CNTNAP5: variants seen among roughly 807,000 people sequenced by gnomAD.
The protein encoded by CNTNAP5 is contactin associated protein family member 5.
CNTNAP5 carries 72 observed loss-of-function variants against 150.2 expected under a neutral mutation model. The observed-to-expected ratio is 0.48, with a 90% CI of 0.40 to 0.58. The LOEUF (loss-of-function observed/expected upper bound fraction) is 0.58. Ranked by LOEUF, CNTNAP5 falls within the 20% of genes least tolerant of loss-of-function variation. The probability of loss-of-function intolerance (pLI) is 0.00; values close to 1 mark genes in which losing one functional copy is unlikely to be tolerated. For synonymous variants in CNTNAP5, 672 were observed against 619.8 expected, an observed-to-expected ratio of 1.08 and a Z score of -1.25; for missense variants, 1,636 against 1,626.2, an observed-to-expected ratio of 1.01 and a Z score of -0.10.
intron 12 of CNTNAP5, among the ~76,000 whole-genome samples, chr2:124,616,298 A>C (rs913893805): frequency 6.6e-6 from 1 of 152,208 alleles, no homozygotes; most frequent in Non-Finnish European, 1.5e-5. Flanking sequence ...TTACATCAGC[A>C]CTTGCTGCTT....
chr2:124,786,809 C>T (rs1225343294), intron 17 of CNTNAP5, among the ~76,000 whole-genome samples: 4 of 152,048 alleles, frequency 2.6e-5, no homozygotes, highest in East Asian at 1.9e-4. Context: ...ACTCTCTACA[C>T]ATAGTAGGTA....
At chr2:124,243,432 C>T (rs1004925985) in intron 3 of CNTNAP5, among the ~76,000 whole-genome samples, 33 of 152,076 alleles carry the variant, frequency 2.2e-4, no homozygotes, top group African/African-American at 7.5e-4. Flanking sequence ...ATTGCCTACC[C>T]ATCACTTGGG....
At chr2:124,801,224 A>C (rs1295539846) in intron 19 of CNTNAP5, among the ~76,000 whole-genome samples, 1 of 152,208 alleles carries the variant, frequency 6.6e-6, no homozygotes, top group Non-Finnish European at 1.5e-5. Flanking sequence ...GCACAGTATC[A>C]GGAACTGTGA....
chr2:124,828,735 CAAAAAAAAAAAAAAAAAA>C (rs60339676), intron 19 of CNTNAP5, among the ~76,000 whole-genome samples: 85 of 23,114 alleles, frequency 3.7e-3, no homozygotes, highest in African/African-American at 7.1e-3. Flanking sequence ...CAAGTGTTGG[CAAAAAAAAAAAAAAAAAA>C]AAAAAAAAAA....
intron 12 of CNTNAP5, 57 bp from the exon 13 acceptor site, chr2:124,647,701 C>T: frequency 2.0e-6 from 3 of 1,491,656 alleles, no homozygotes; most frequent in Non-Finnish European, 2.7e-6. Context: ...TGCTCACATG[C>T]TCCATTTTTG....
chr2:124,119,700 G>A lies in CNTNAP5; in HGVS notation c.82+93968G>A, dbSNP rs542651537. Reference sequence around the variant, plus strand: ...AGGAGGGATGATCATTTGAAGCCAGGAGTTAGAGACCAGCCTGGGCAACAC... The same window carrying A: ...AGGAGGGATGATCATTTGAAGCCAGAAGTTAGAGACCAGCCTGGGCAACAC... On this transcript the variant is annotated intron_variant, in intron 1 of 23. Coordinates refer to ENST00000682447, the MANE Select transcript of CNTNAP5 (RefSeq NM_001367498.1). Among the ~76,000 whole-genome samples, 214 of 152,218 alleles carry A rather than the reference G, an allele frequency of 1.4e-3. 1 individual carries two copies. The highest frequency in any genetic ancestry group is 2.5e-3 in the Non-Finnish European group (167 of 68,016).
intron 7 of CNTNAP5, among the ~76,000 whole-genome samples, chr2:124,487,512 G>C (rs1693913893): frequency 6.6e-6 from 1 of 151,982 alleles, no homozygotes; most frequent in African/African-American, 2.4e-5. Context: ...GTATGTTTGT[G>C]CAGCTGAAAA....
chr2:124,620,912 T>C (rs1312510929), intron 12 of CNTNAP5, among the ~76,000 whole-genome samples: 1 of 152,184 alleles, frequency 6.6e-6, no homozygotes, highest in African/African-American at 2.4e-5. Context: ...ATAGTCATTC[T>C]AGTCATGAAA....
intron 3 of CNTNAP5, among the ~76,000 whole-genome samples, chr2:124,258,277 T>C (rs1236229674): frequency 6.6e-6 from 1 of 152,124 alleles, no homozygotes; most frequent in Non-Finnish European, 1.5e-5. Flanking sequence ...TTTTCAAAGA[T>C]TAGCCACATA....
chr2:124,178,717 T>C (rs546337381), intron 1 of CNTNAP5, among the ~76,000 whole-genome samples: 1 of 152,092 alleles, frequency 6.6e-6, no homozygotes, highest in Non-Finnish European at 1.5e-5. Flanking sequence ...ATGGTGGCAG[T>C]TGAATTTTTG....
At chr2:124,564,146 G>T (rs911321483) in intron 11 of CNTNAP5, among the ~76,000 whole-genome samples, 1 of 152,146 alleles carries the variant, frequency 6.6e-6, no homozygotes, top group East Asian at 1.9e-4. Flanking sequence ...CAGAAGCAAA[G>T]AAACAAATGG....
intron 2 of CNTNAP5, among the ~76,000 whole-genome samples, chr2:124,226,406 G>A (rs1424894864): frequency 1.3e-5 from 2 of 151,972 alleles, no homozygotes; most frequent in African/African-American, 4.8e-5. Context: ...TGCCTTGTTT[G>A]GAAAAACGTC....
chr2:124,806,196 T>C (rs1466905044), intron 19 of CNTNAP5, among the ~76,000 whole-genome samples: 1 of 152,132 alleles, frequency 6.6e-6, no homozygotes, highest in African/African-American at 2.4e-5. Context: ...TAGCACATAG[T>C]TCACCTCTGA....
chr2:124,383,156 T>C (rs185339772), intron 3 of CNTNAP5, among the ~76,000 whole-genome samples: 1 of 152,196 alleles, frequency 6.6e-6, no homozygotes, highest in East Asian at 1.9e-4. Flanking sequence ...TTGCAAGAAG[T>C]TTAACACATT....
At chr2:124,367,897 C>T (rs1282361052) in intron 3 of CNTNAP5, among the ~76,000 whole-genome samples, 1 of 151,838 alleles carries the variant, frequency 6.6e-6, no homozygotes, top group African/African-American at 2.4e-5. Flanking sequence ...AATGTACTTG[C>T]TGTTCAGTAC....
chr2:124,107,170 C>T (rs913067552), intron 1 of CNTNAP5, among the ~76,000 whole-genome samples: 3 of 152,052 alleles, frequency 2.0e-5, no homozygotes, highest in African/African-American at 7.2e-5. Context: ...CTGAAACTAA[C>T]CTCTGATGAT....
intron 6 of CNTNAP5, among the ~76,000 whole-genome samples, chr2:124,452,937 A>G (rs1693023842): frequency 6.6e-6 from 1 of 152,062 alleles, no homozygotes; most frequent in Admixed American, 6.6e-5. Context: ...GAACCAGAAA[A>G]CCAACTCTGA....
chr2:124,638,064 A>C (rs537979147), intron 12 of CNTNAP5, among the ~76,000 whole-genome samples: 1 of 151,174 alleles, frequency 6.6e-6, no homozygotes, highest in African/African-American at 2.4e-5. Flanking sequence ...GTGTGTGTGC[A>C]TGTGTGTGTG....
chr2:124,844,698 C>T (rs1399788533), intron 19 of CNTNAP5, among the ~76,000 whole-genome samples: 1 of 151,654 alleles, frequency 6.6e-6, no homozygotes, highest in Non-Finnish European at 1.5e-5. Context: ...TGTAGTTTTC[C>T]TTGTAGTGGT....
Sources: gnomAD v4.1 joint callset for allele counts (sites outside exome capture counted in the v4.1 genomes callset) on GRCh38, gnomAD v4.1.1 for gene constraint, MANE v1.5 for transcripts, NCBI Gene and HGNC (gene_info 2026-07-23, HGNC 2026-07-21) for gene names.